Variants in TC2N observed in about 807,000 individuals in gnomAD.
The protein encoded by TC2N is tandem C2 domains, nuclear.
TC2N carries 51 observed loss-of-function variants against 61.9 expected under a neutral mutation model. The observed-to-expected ratio is 0.82, with a 90% CI of 0.66 to 1.04. The LOEUF (loss-of-function observed/expected upper bound fraction) is 1.04, where lower values mean the gene tolerates loss of function less well. Among genes scored for constraint, TC2N ranks in the 50% least tolerant of loss-of-function variants. The pLI is 0.00. For synonymous variants in TC2N, 204 were observed against 192.6 expected (o/e 1.06, Z -0.49); for missense variants, 556 against 566.7 (o/e 0.98, Z 0.19).
chr14:91,793,850 C>T lies in TC2N; in HGVS notation c.856-1292G>A, dbSNP rs140829343. ...AGGGAAAGGAACAAACGTACATCTC[C>T]GACTTTAAATCAAAAGCTAGAAATG... On this transcript the variant is annotated intron_variant, in intron 8 of 11. Transcript: ENST00000435962. Among the ~76,000 whole-genome samples, 19 of 152,180 alleles carry T rather than the reference C, an allele frequency of 1.2e-4. No individual in the cohort carries two copies. The East Asian group carries it at 3.5e-3, about 28-fold the overall frequency.
intron 3 of TC2N, among the ~76,000 whole-genome samples, chr14:91,807,729 A>G (rs1886580186): frequency 6.6e-6 from 1 of 152,142 alleles, no homozygotes; most frequent in Non-Finnish European, 1.5e-5. Flanking sequence ...TGGACTTTTG[A>G]GTTCATGCTG....
rs1342406188 is a variant in TC2N, at chr14:91,781,548, T to C, written c.*1552A>G. 1.3e-5 allele frequency: 2 copies of C among 151,780 alleles called. No individual in the cohort carries two copies. The highest frequency in any genetic ancestry group is 4.8e-5 in the African/African-American group (2 of 41,368). 9.4% of individuals were successfully genotyped at this position (151,780 alleles called of 1,614,324 possible). ...AATTTTTCTGTTAACCTACAACTGC[T>C]CTAAAAAAAAAAGTCTATTTTTAAA... On this transcript the variant is annotated 3_prime_UTR_variant, in exon 12 of 12. Coordinates refer to ENST00000435962, the MANE Select transcript of TC2N (RefSeq NM_001128596.3).
Position 91,803,963 on chromosome 14 carries a change from T to C in TC2N, c.302-1542A>G, listed in dbSNP as rs149151996. ...GAGATCAGGAGCATTCAGGGTGGTATGGCCATAAAGGGCTCATATCCAGAA... is the reference window on the plus strand; with the variant it reads ...GAGATCAGGAGCATTCAGGGTGGTACGGCCATAAAGGGCTCATATCCAGAA... On this transcript the variant is annotated intron_variant, in intron 3 of 11. Transcript: ENST00000435962. Among the ~76,000 whole-genome samples, 1,099 of 152,220 alleles carry C rather than the reference T, an allele frequency of 7.2e-3. 13 individuals carry two copies. Among genetic ancestry groups the C allele is most frequent in the African/African-American group, 0.023 (968 of 41,520 alleles).
intron 11 of TC2N, among the ~76,000 whole-genome samples, chr14:91,784,298 A>G (rs993721827): frequency 6.6e-6 from 1 of 152,158 alleles, no homozygotes; most frequent in African/African-American, 2.4e-5. Flanking sequence ...ATGGTCTTCA[A>G]AATTATGCTG....
chr14:91,817,033 A>G (rs796325447), intron 1 of TC2N, among the ~76,000 whole-genome samples: 42 of 152,098 alleles, frequency 2.8e-4, no homozygotes, highest in African/African-American at 9.6e-4. Context: ...TAATCTGTCT[A>G]GCCCTAGGAG....
At chr14:91,861,154 A>C (rs908165384) in intron 1 of TC2N, among the ~76,000 whole-genome samples, 1 of 152,198 alleles carries the variant, frequency 6.6e-6, no homozygotes, top group Admixed American at 6.5e-5. Flanking sequence ...GGGGTACTGG[A>C]ATGAAGGAAA....
intron 1 of TC2N, among the ~76,000 whole-genome samples, chr14:91,835,988 G>C (rs1001331068): frequency 1.5e-4 from 23 of 152,168 alleles, no homozygotes; most frequent in African/African-American, 4.8e-4. Context: ...CTGGCCAGCG[G>C]GGACCTAGCC....
chr14:91,808,271 A>C (rs1886609209), intron 3 of TC2N, among the ~76,000 whole-genome samples: 1 of 152,188 alleles, frequency 6.6e-6, no homozygotes, highest in African/African-American at 2.4e-5. Flanking sequence ...ATAGTAACAT[A>C]TTGTATAGGT....
intron 1 of TC2N, among the ~76,000 whole-genome samples, chr14:91,863,121 C>T (rs796755865): frequency 1.4e-4 from 21 of 152,272 alleles, no homozygotes; most frequent in East Asian, 1.2e-3. Context: ...AGCCTTGGGG[C>T]GGAAACCTCC....
chr14:91,850,624 C>T (rs1888356795), intron 1 of TC2N, among the ~76,000 whole-genome samples: 1 of 152,210 alleles, frequency 6.6e-6, no homozygotes. Context: ...ATCTAGGTTT[C>T]ATGCTCCTTA....
intron 1 of TC2N, among the ~76,000 whole-genome samples, chr14:91,852,535 C>G (rs780794263): frequency 6.6e-6 from 1 of 152,236 alleles, no homozygotes; most frequent in Non-Finnish European, 1.5e-5. Context: ...AATAGAGTAT[C>G]AAGAATTTTT....
chr14:91,829,530 T>C (rs558992485), intron 1 of TC2N, among the ~76,000 whole-genome samples: 1 of 152,300 alleles, frequency 6.6e-6, no homozygotes, highest in African/African-American at 2.4e-5. Flanking sequence ...CATTTAGTTC[T>C]TTTTTCAACC....
chr14:91,817,318 A>T (rs1235725014), intron 1 of TC2N, among the ~76,000 whole-genome samples: 1 of 151,892 alleles, frequency 6.6e-6, no homozygotes, highest in African/African-American at 2.4e-5. Context: ...TTTAAAATGT[A>T]TGCGTTTTCA....
chr14:91,861,234 G>C (rs910688439), intron 1 of TC2N, among the ~76,000 whole-genome samples: 13 of 152,188 alleles, frequency 8.5e-5, no homozygotes, highest in African/African-American at 2.9e-4. Context: ...ACAGCCACAA[G>C]AAAGTACCAT....
At chr14:91,827,271 T>A (rs1887544183) in intron 1 of TC2N, among the ~76,000 whole-genome samples, 1 of 152,206 alleles carries the variant, frequency 6.6e-6, no homozygotes, top group South Asian at 2.1e-4. Flanking sequence ...TTAATGGCTT[T>A]AAATAAACTT....
intron 1 of TC2N, among the ~76,000 whole-genome samples, chr14:91,815,998 G>A (rs1354744012): frequency 6.6e-6 from 1 of 151,456 alleles, no homozygotes; most frequent in Non-Finnish European, 1.5e-5. Context: ...TTTCCCCTAT[G>A]GTCTCAATTT....
intron 1 of TC2N, among the ~76,000 whole-genome samples, chr14:91,860,001 T>C (rs1459519285): frequency 6.6e-6 from 1 of 152,202 alleles, no homozygotes; most frequent in Non-Finnish European, 1.5e-5. Flanking sequence ...AGTTTGAATC[T>C]TAACCTGTGG....
At chr14:91,845,366 C>A (rs1441697993) in intron 1 of TC2N, among the ~76,000 whole-genome samples, 1 of 152,176 alleles carries the variant, frequency 6.6e-6, no homozygotes, top group Non-Finnish European at 1.5e-5. Context: ...TCCAAGATCA[C>A]AAAGAAGTAA....
intron 1 of TC2N, among the ~76,000 whole-genome samples, chr14:91,827,538 A>G (rs1439899743): frequency 2.0e-5 from 3 of 152,122 alleles, no homozygotes; most frequent in African/African-American, 7.2e-5. Context: ...ATCTCCTACA[A>G]TCTCTCTTTC....
Sources: allele counts gnomAD v4.1 joint callset (sites outside exome capture counted in the v4.1 genomes callset), GRCh38; gene constraint gnomAD v4.1.1; transcripts MANE v1.5; gene names NCBI Gene and HGNC (gene_info 2026-07-23, HGNC 2026-07-21).